Variants in MRAP2 observed in about 807,000 individuals in gnomAD.
The protein encoded by MRAP2 is melanocortin-2 receptor accessory protein 2.
A neutral mutation model predicts 17.4 loss-of-function variants in MRAP2; 20 were observed. That is an observed-to-expected ratio of 1.15 (90% confidence interval 0.81 to 1.67). The LOEUF is 1.67. MRAP2 is among the 40% of genes most tolerant of loss of function. The pLI, the probability that MRAP2 is intolerant of heterozygous loss-of-function variation, is 0.00. For synonymous variants in MRAP2, 96 were observed against 88.4 expected (o/e 1.09, Z -0.48); for missense variants, 238 against 240.0 (o/e 0.99, Z 0.05).
At chr6:84,039,821 C>A (rs1322444410) in intron 1 of MRAP2, among the ~76,000 whole-genome samples, 2 of 152,114 alleles carry the variant, frequency 1.3e-5, no homozygotes, top group African/African-American at 4.8e-5. Flanking sequence ...TTGAAGTTGC[C>A]TGGTTTAACA....
the MRAP2 span, among the ~76,000 whole-genome samples, chr6:84,100,763 A>C: frequency 2.6e-5 from 4 of 152,162 alleles, no homozygotes; most frequent in Non-Finnish European, 5.9e-5. Context: ...CTATATGTAC[A>C]TGTCTGATCT....
At chr6:84,064,735 C>T (rs150673114) in intron 3 of MRAP2, among the ~76,000 whole-genome samples, 5 of 152,318 alleles carry the variant, frequency 3.3e-5, no homozygotes, top group Admixed American at 1.3e-4. Flanking sequence ...GATCCGCCCG[C>T]CTTGGCCTCC....
chr6:84,142,249 C>T, the MRAP2 span, among the ~76,000 whole-genome samples: 22 of 152,168 alleles, frequency 1.4e-4, no homozygotes, highest in Non-Finnish European at 2.2e-4. Flanking sequence ...AAACAGGTAA[C>T]CTTAATTTAT....
chr6:84,063,332 A>G (rs1339514650), intron 3 of MRAP2: 19 of 985,068 alleles, frequency 1.9e-5, no homozygotes, highest in Non-Finnish European at 2.3e-5. Flanking sequence ...ATGATTCACC[A>G]TATTAAAAAC....
chr6:84,143,083 T>C, the MRAP2 span, among the ~76,000 whole-genome samples: 2 of 152,112 alleles, frequency 1.3e-5, no homozygotes, highest in Admixed American at 1.3e-4. Flanking sequence ...CTCTTTGGTA[T>C]AGCTTACATC....
At chr6:84,100,052 G>T in the MRAP2 span, among the ~76,000 whole-genome samples, 6 of 151,984 alleles carry the variant, frequency 3.9e-5, no homozygotes, top group Admixed American at 2.0e-4. Context: ...TAGGGATGGG[G>T]TTTTGCCATG....
intron 2 of MRAP2, among the ~76,000 whole-genome samples, chr6:84,059,604 T>C (rs1355856978): frequency 2.0e-5 from 3 of 152,214 alleles, no homozygotes; most frequent in Non-Finnish European, 4.4e-5. Context: ...TTCAGCTCTC[T>C]TGTTCCATTC....
chr6:84,143,266 T>G, the MRAP2 span, among the ~76,000 whole-genome samples: 8 of 152,068 alleles, frequency 5.3e-5, no homozygotes, highest in Non-Finnish European at 1.5e-5. Context: ...ATTGTCACAT[T>G]AAGAAAACTA....
At chr6:84,056,785 C>T (rs1306006679) in intron 2 of MRAP2, among the ~76,000 whole-genome samples, 1 of 152,078 alleles carries the variant, frequency 6.6e-6, no homozygotes, top group Non-Finnish European at 1.5e-5. Context: ...TCAGCTTGCT[C>T]CTATCTCTTT....
the MRAP2 span, among the ~76,000 whole-genome samples, chr6:84,143,496 G>A: frequency 6.6e-6 from 1 of 151,872 alleles, no homozygotes; most frequent in South Asian, 2.1e-4. Flanking sequence ...AAAGTTATGA[G>A]GAATGAAGAT....
At chr6:84,035,953 TG>T (rs548706628) in intron 1 of MRAP2, among the ~76,000 whole-genome samples, 60 of 152,322 alleles carry the variant, frequency 3.9e-4, no homozygotes, top group African/African-American at 1.3e-3. Context: ...ATATCACATC[TG>T]TCCTTTTTAG....
chr6:84,099,216 G>A, the MRAP2 span, among the ~76,000 whole-genome samples: 856 of 142,102 alleles, frequency 6.0e-3, 4 homozygotes, highest in African/African-American at 0.021. Flanking sequence ...ATATCTAATC[G>A]TTCCAGCATG....
the MRAP2 span, among the ~76,000 whole-genome samples, chr6:84,098,217 G>C: frequency 6.6e-6 from 1 of 151,938 alleles, no homozygotes; most frequent in East Asian, 1.9e-4. Context: ...TACATACTCT[G>C]TTTTGCCTGG....
chr6:84,054,605 C>G (rs2099491244), intron 1 of MRAP2, among the ~76,000 whole-genome samples: 1 of 152,158 alleles, frequency 6.6e-6, no homozygotes, highest in Non-Finnish European at 1.5e-5. Context: ...AGCAAACAAA[C>G]AAAACCTTAG....
Position 84,086,346 on chromosome 6 carries a change from AT to A in MRAP2, c.228-2738del, listed in dbSNP as rs1181027176. 2.0e-4 allele frequency among the ~76,000 whole-genome samples: 30 copies of A among 152,136 alleles called. 1 individual carries two copies. The East Asian group carries it at 5.8e-3, about 29-fold the overall frequency. ...GCTGGGCAGATGTCCTTATAGAAGT[AT>A]TTTTTTGTGCAAGGTTATGGTTTTT... On this transcript the variant is annotated intron_variant, in intron 3 of 3. Transcript: ENST00000257776.
At chr6:84,137,260 A>C in the MRAP2 span, among the ~76,000 whole-genome samples, 1 of 152,182 alleles carries the variant, frequency 6.6e-6, no homozygotes, top group Non-Finnish European at 1.5e-5. Flanking sequence ...CCAGCATGCC[A>C]AGTGTGGCCT....
the MRAP2 span, among the ~76,000 whole-genome samples, chr6:84,099,862 C>CTT: frequency 4.5e-4 from 66 of 145,466 alleles, no homozygotes; most frequent in African/African-American, 5.8e-4. Flanking sequence ...TTCTCTCTCT[C>CTT]TTTTTTTTTT....
At chr6:84,131,723 G>C in the MRAP2 span, among the ~76,000 whole-genome samples, 1 of 150,862 alleles carries the variant, frequency 6.6e-6, no homozygotes, top group Admixed American at 6.6e-5. Context: ...CCTTTATCTT[G>C]AGCCTATGTG....
rs1562894177 is a variant in MRAP2, at chr6:84,089,206, CTCTT to C, written c.346_349del (p.Phe116ThrfsTer42). 3 of 1,614,194 alleles carry C rather than the reference CTCTT, an allele frequency of 1.9e-6. No individual in the cohort carries two copies. The Admixed American group carries it at 5.0e-5, about 27-fold the overall frequency. ...CCAAGGCAACGAGGAGTCCAGGTCTCTCTTTCACTGCTACATCAATGAGGTGGAA... is the reference window on the plus strand; with the variant it reads ...CCAAGGCAACGAGGAGTCCAGGTCTCTCACTGCTACATCAATGAGGTGGAA... On this transcript the variant is annotated frameshift_variant, in exon 4 of 4. Transcript: ENST00000257776. LOFTEE classifies it high-confidence loss of function.
Sources: gnomAD v4.1 joint callset for allele counts (sites outside exome capture counted in the v4.1 genomes callset) on GRCh38, gnomAD v4.1.1 for gene constraint, MANE v1.5 for transcripts, NCBI Gene and HGNC (gene_info 2026-07-23, HGNC 2026-07-21) for gene names.